The following CDH20 variants were observed in gnomAD, a reference collection of about 807,000 sequenced individuals.
CDH20 encodes the protein cadherin-20.
In CDH20, 29 loss-of-function variants were observed where a neutral mutation model predicts 74.2. That is an observed-to-expected ratio of 0.39 (90% CI 0.29 to 0.53). CDH20 has a LOEUF of 0.53. Among genes scored for constraint, CDH20 ranks in the 20% least tolerant of loss-of-function variants. CDH20 has a pLI of 0.69. For synonymous variants in CDH20, 469 were observed against 405.4 expected (o/e 1.16, Z -1.88); for missense variants, 988 against 1,048.3 (o/e 0.94, Z 0.79).
At chr18:61,345,596 T>A (rs192225432) in intron 1 of CDH20, among the ~76,000 whole-genome samples, 4 of 152,290 alleles carry the variant, frequency 2.6e-5, no homozygotes, top group Admixed American at 2.6e-4. Context: ...TTTATATGAA[T>A]TTGTGAAGTG....
intron 1 of CDH20, among the ~76,000 whole-genome samples, chr18:61,410,660 G>T (rs544083020): frequency 5.3e-5 from 8 of 152,290 alleles, no homozygotes; most frequent in African/African-American, 1.7e-4. Flanking sequence ...ACAAATGATG[G>T]AATGGAAAAT....
chr18:61,520,162 A>G lies in CDH20; in HGVS notation c.1018-7805A>G, dbSNP rs542780121. On this transcript the variant is annotated intron_variant, in intron 6 of 11. Coordinates refer to ENST00000262717, the MANE Select transcript of CDH20 (RefSeq NM_031891.4). ...AAACCCCATCTCTACTAAAAATACA[A>G]AAAATTAGCCAGGCGTGGTGGTGGG... Among the ~76,000 whole-genome samples the G allele has an allele frequency of 1.1e-3, 160 of 150,256 alleles. 9 individuals are homozygous for G. The highest frequency in any genetic ancestry group is 3.8e-3 in the African/African-American group (154 of 40,230).
chr18:61,490,233 T>C (rs1910906532), intron 1 of CDH20, among the ~76,000 whole-genome samples, 169 bp from the exon 2 acceptor site: 1 of 152,192 alleles, frequency 6.6e-6, no homozygotes, highest in Non-Finnish European at 1.5e-5. Flanking sequence ...TGTTGTCTTA[T>C]TATCAAAATA....
chr18:61,554,761 T>G lies in CDH20; in HGVS notation c.*66T>G. 4 of 1,476,780 alleles carry G rather than the reference T, an allele frequency of 2.7e-6. No homozygotes were observed. Among genetic ancestry groups the G allele is most frequent in the Non-Finnish European group, 3.6e-6 (4 of 1,113,482 alleles). 91.5% of individuals were successfully genotyped at this position (1,476,780 alleles called of 1,614,324 possible). ...CTCCGCGGGTGCTTCGCGGACAAGG[T>G]GCAGCCAACCACACGAGCAATACTG... On this transcript the variant is annotated 3_prime_UTR_variant, in exon 12 of 12. Coordinates refer to ENST00000262717, the MANE Select transcript of CDH20 (RefSeq NM_031891.4).
intron 1 of CDH20, among the ~76,000 whole-genome samples, chr18:61,414,889 T>G (rs564496807): frequency 6.6e-5 from 10 of 152,056 alleles, no homozygotes; most frequent in Non-Finnish European, 1.3e-4. Context: ...ATTAAGTACA[T>G]TTTTATTGTT....
intron 6 of CDH20, among the ~76,000 whole-genome samples, chr18:61,522,119 A>T (rs1248626664): frequency 6.6e-6 from 1 of 152,214 alleles, no homozygotes; most frequent in Non-Finnish European, 1.5e-5. Context: ...GGAAAAGAGG[A>T]AGTCAAATTG....
intron 1 of CDH20, among the ~76,000 whole-genome samples, chr18:61,470,721 G>T (rs1035335346): frequency 1.3e-5 from 2 of 152,172 alleles, no homozygotes; most frequent in African/African-American, 2.4e-5. Context: ...CAGAACAGTA[G>T]ATCACTGATA....
chr18:61,453,016 C>T (rs572850711), intron 1 of CDH20, among the ~76,000 whole-genome samples: 5 of 152,162 alleles, frequency 3.3e-5, no homozygotes, highest in Non-Finnish European at 7.4e-5. Context: ...CTACCCTTTA[C>T]CCCGTGCACC....
intron 1 of CDH20, among the ~76,000 whole-genome samples, chr18:61,415,609 ATT>A (rs1245685064): frequency 2.0e-5 from 3 of 152,188 alleles, no homozygotes; most frequent in Non-Finnish European, 4.4e-5. Context: ...ATAATCTCAA[ATT>A]TTGTGTGTAT....
chr18:61,366,397 T>A (rs1387026024), intron 1 of CDH20, among the ~76,000 whole-genome samples: 1 of 152,180 alleles, frequency 6.6e-6, no homozygotes, highest in African/African-American at 2.4e-5. Context: ...TTAGACTTTA[T>A]TAAAGTACAT....
At chr18:61,417,071 ATAATT>A (rs1475624548) in intron 1 of CDH20, among the ~76,000 whole-genome samples, 1 of 152,222 alleles carries the variant, frequency 6.6e-6, no homozygotes, top group Non-Finnish European at 1.5e-5. Context: ...TAGTGATTTG[ATAATT>A]TAGTGATTTA....
chr18:61,432,695 T>A (rs1242740946), intron 1 of CDH20, among the ~76,000 whole-genome samples: 6 of 152,204 alleles, frequency 3.9e-5, no homozygotes, highest in African/African-American at 1.4e-4. Context: ...GGCACAGAGC[T>A]GTGCACACAC....
chr18:61,371,961 A>T (rs1197682904), intron 1 of CDH20, among the ~76,000 whole-genome samples: 1 of 152,066 alleles, frequency 6.6e-6, no homozygotes, highest in Non-Finnish European at 1.5e-5. Flanking sequence ...TCATACTTTA[A>T]GGTTATGTTC....
At chr18:61,494,131 T>G (rs1185821436) in intron 2 of CDH20, among the ~76,000 whole-genome samples, 1 of 152,168 alleles carries the variant, frequency 6.6e-6, no homozygotes, top group Non-Finnish European at 1.5e-5. Flanking sequence ...TTGCCCAAAG[T>G]TAGACCGAAG....
intron 5 of CDH20, among the ~76,000 whole-genome samples, chr18:61,505,460 TG>T (rs1911531402): frequency 6.6e-6 from 1 of 151,502 alleles, no homozygotes; most frequent in Admixed American, 6.6e-5. Context: ...CCTCAGCTCC[TG>T]AATAGCCAGA....
chr18:61,409,931 C>A (rs578208200), intron 1 of CDH20, among the ~76,000 whole-genome samples: 1 of 152,200 alleles, frequency 6.6e-6, no homozygotes, highest in Non-Finnish European at 1.5e-5. Flanking sequence ...GTTTTCTGAC[C>A]ATAGATGTCT....
chr18:61,478,402 C>G (rs532006125), intron 1 of CDH20, among the ~76,000 whole-genome samples: 69 of 152,108 alleles, frequency 4.5e-4, no homozygotes, highest in African/African-American at 1.6e-3. Context: ...TAAAATATAA[C>G]AATTTCTAAT....
chr18:61,451,746 GA>G (rs34974190), intron 1 of CDH20, among the ~76,000 whole-genome samples: 40,621 of 147,754 alleles, frequency 0.27, 5,971 homozygotes, highest in Non-Finnish European at 0.34. Context: ...CAGAGTCAAA[GA>G]AAAAAAAAAA....
intron 1 of CDH20, among the ~76,000 whole-genome samples, chr18:61,415,305 A>C (rs1306425208): frequency 6.6e-6 from 1 of 152,212 alleles, no homozygotes; most frequent in Admixed American, 6.5e-5. Context: ...TTATGGAACA[A>C]TAAAGAGATA....
Sources: gnomAD v4.1 joint callset for allele counts (sites outside exome capture counted in the v4.1 genomes callset) on GRCh38, gnomAD v4.1.1 for gene constraint, MANE v1.5 for transcripts, NCBI Gene and HGNC (gene_info 2026-07-23, HGNC 2026-07-21) for gene names.